Variants in TAB2 observed in about 807,000 individuals in gnomAD.
TAB2 encodes the protein TGF-beta-activated kinase 1 and MAP3K7-binding protein 2.
Under a neutral mutation model 65.0 loss-of-function variants are expected in TAB2, and 3 were observed. That is an observed-to-expected ratio of 0.05 (90% confidence interval 0.02 to 0.12). The LOEUF (loss-of-function observed/expected upper bound fraction) is 0.12. Among genes scored for constraint, TAB2 ranks in the 10% least tolerant of loss-of-function variants. The pLI is 1.00. For missense variants in TAB2, 623 were observed against 840.3 expected, an observed-to-expected ratio of 0.74 and a Z score of 3.20; for synonymous variants, 298 against 285.1, an observed-to-expected ratio of 1.05 and a Z score of -0.46.
intron 1 of TAB2, among the ~76,000 whole-genome samples, chr6:149,265,812 A>G (rs1351849672): frequency 6.6e-6 from 1 of 152,134 alleles, no homozygotes; most frequent in Admixed American, 6.5e-5. Context: ...AAAGTTTTCC[A>G]CAATCTGACA....
chr6:149,293,978 A>G (rs1778828769), intron 1 of TAB2, among the ~76,000 whole-genome samples: 1 of 152,204 alleles, frequency 6.6e-6, no homozygotes, highest in East Asian at 1.9e-4. Context: ...CCCTGAAAAA[A>G]AATTAATAGA....
upstream of TAB2, among the ~76,000 whole-genome samples, chr6:149,314,601 C>G (rs1779218768): frequency 6.6e-6 from 1 of 152,108 alleles, no homozygotes; most frequent in African/African-American, 2.4e-5. Flanking sequence ...TCCCTCTTCC[C>G]CTAAGTTTCA....
intron 1 of TAB2, among the ~76,000 whole-genome samples, chr6:149,249,640 C>CTG (rs146406784): frequency 4.0e-5 from 6 of 151,782 alleles, no homozygotes; most frequent in African/African-American, 7.3e-5. Context: ...GTCTCTCCAT[C>CTG]TGTGTGTGTG....
intron 1 of TAB2, among the ~76,000 whole-genome samples, chr6:149,303,396 T>C (rs1021127643): frequency 2.0e-5 from 3 of 152,204 alleles, no homozygotes; most frequent in Admixed American, 1.3e-4. Flanking sequence ...TCTTGATGTC[T>C]GCTAGTCAGA....
rs995169701 is a variant in TAB2 at position 149,378,270 on chromosome 6, A to T, written c.355A>T (p.Ser119Cys). The T allele has an allele frequency of 1.2e-6, 2 of 1,614,112 alleles. No individual in the cohort carries two copies. Among genetic ancestry groups the T allele is most frequent in the Non-Finnish European group, 1.7e-6 (2 of 1,180,048 alleles). Residue 119 changes from serine to cysteine, a missense_variant, in exon 3 of 7, where the codon AGT (serine) becomes TGT (cysteine). Physicochemically the swap from Ser to Cys is moderately radical, Grantham distance 112 (BLOSUM62 -1). This residue lies in a region of TAB2 where 550 missense variants were observed against 665.7 expected (regional missense o/e 0.83). Coordinates refer to ENST00000637181, the MANE Select transcript of TAB2 (RefSeq NM_001292034.3). ...DGQLQGGQSN[S>C]ELFQQEPQTA... ...ACAACTTCAAGGTGGCCAGTCCAAT[A>T]GTGAACTATTTCAGCAGGAGCCACA...
At chr6:149,279,398 C>T (rs548540326) in intron 1 of TAB2, among the ~76,000 whole-genome samples, 9 of 152,254 alleles carry the variant, frequency 5.9e-5, no homozygotes, top group East Asian at 1.9e-4. Context: ...TTCCTCCATA[C>T]GCTTACCCTG....
At chr6:149,349,925 A>G (rs1024269572) in intron 1 of TAB2, among the ~76,000 whole-genome samples, 3 of 151,996 alleles carry the variant, frequency 2.0e-5, no homozygotes, top group South Asian at 2.1e-4. Flanking sequence ...ACATACATGC[A>G]TGCATTCATT....
intron 1 of TAB2, among the ~76,000 whole-genome samples, chr6:149,305,057 C>A (rs1305678848): frequency 2.6e-5 from 4 of 152,106 alleles, no homozygotes; most frequent in Non-Finnish European, 5.9e-5. Context: ...TATATTGTTA[C>A]TTTTTATTGT....
intron 6 of TAB2, chr6:149,400,967 C>G (rs1782385617): frequency 2.7e-6 from 1 of 368,994 alleles, no homozygotes. Context: ...GAAAATACCC[C>G]CTTTATCCAT....
chr6:149,245,769 G>C (rs1777699378), intron 1 of TAB2, among the ~76,000 whole-genome samples: 1 of 152,174 alleles, frequency 6.6e-6, no homozygotes, highest in East Asian at 1.9e-4. Flanking sequence ...ATCTTACTGA[G>C]AATCGTACAG....
intron 1 of TAB2, among the ~76,000 whole-genome samples, chr6:149,319,729 A>G (rs1007172526): frequency 6.6e-6 from 1 of 152,210 alleles, no homozygotes; most frequent in Non-Finnish European, 1.5e-5. Flanking sequence ...TTATAGATGA[A>G]TAAGTTATCC....
chr6:149,272,315 C>T (rs933408949), intron 1 of TAB2, among the ~76,000 whole-genome samples: 3 of 152,266 alleles, frequency 2.0e-5, no homozygotes, highest in Admixed American at 6.5e-5. Context: ...TTAGCACAAA[C>T]GTAGGGACTT....
rs115971162 is a variant in TAB2 at position 149,375,841 on chromosome 6, G to A, written c.103-2177G>A. 5.2e-3 allele frequency among the ~76,000 whole-genome samples: 791 copies of A among 152,220 alleles called. 4 individuals carry two copies. Among genetic ancestry groups the A allele is most frequent in the African/African-American group, 0.018 (750 of 41,552 alleles). On this transcript the variant is annotated intron_variant, in intron 2 of 6. Coordinates refer to ENST00000637181, the MANE Select transcript of TAB2 (RefSeq NM_001292034.3). ...TTAAGAGTTATTAGTAGGATAAAAGGATTTTTCTACCATGAGAGGTTTAAG... is the reference window on the plus strand; with the variant it reads ...TTAAGAGTTATTAGTAGGATAAAAGAATTTTTCTACCATGAGAGGTTTAAG...
At chr6:149,298,860 G>A (rs1402412983) in intron 1 of TAB2, among the ~76,000 whole-genome samples, 1 of 152,168 alleles carries the variant, frequency 6.6e-6, no homozygotes, top group Non-Finnish European at 1.5e-5. Flanking sequence ...TCTCCCACTT[G>A]ACAGAACCTG....
chr6:149,393,760 A>G (rs768242736), intron 3 of TAB2, among the ~76,000 whole-genome samples: 46 of 152,210 alleles, frequency 3.0e-4, no homozygotes, highest in Non-Finnish European at 5.3e-4. Context: ...ATGATTTTCC[A>G]TGCAGAGTTG....
chr6:149,247,835 C>T (rs907292746), intron 1 of TAB2: 2 of 152,166 alleles, frequency 1.3e-5, no homozygotes, highest in Admixed American at 6.6e-5. Flanking sequence ...TCCATCTTTC[C>T]CCTGAATTTT....
chr6:149,320,047 G>T (rs144570872), intron 1 of TAB2, among the ~76,000 whole-genome samples: 14 of 152,054 alleles, frequency 9.2e-5, no homozygotes, highest in African/African-American at 3.4e-4. Flanking sequence ...GCTAAGACTG[G>T]GAAACAATTT....
chr6:149,262,547 AT>A (rs1450724810), intron 1 of TAB2, among the ~76,000 whole-genome samples: 1 of 151,444 alleles, frequency 6.6e-6, no homozygotes. Flanking sequence ...AAAAAAAAAA[AT>A]CTCATATGCT....
At chr6:149,248,527 C>T (rs1777787820) in intron 1 of TAB2, among the ~76,000 whole-genome samples, 1 of 151,910 alleles carries the variant, frequency 6.6e-6, no homozygotes, top group African/African-American at 2.4e-5. Context: ...AAGCATTCTA[C>T]ACATTTAGAG....
Sources: gnomAD v4.1 joint callset for allele counts (sites outside exome capture counted in the v4.1 genomes callset) on GRCh38, gnomAD v4.1.1 for gene constraint, gnomAD v4.1.1 regional missense constraint, MANE v1.5 for transcripts, NCBI Gene and HGNC (gene_info 2026-07-23, HGNC 2026-07-21) for gene names.